CNTNAP5: variants seen among roughly 807,000 people sequenced by gnomAD.
CNTNAP5 encodes the protein contactin associated protein family member 5, also known as contactin-associated protein-like 5.
In CNTNAP5, 72 loss-of-function variants were observed where a neutral mutation model predicts 150.2. The ratio of observed to expected loss-of-function variants is 0.48; its 90% confidence interval spans 0.40 to 0.58. The LOEUF (loss-of-function observed/expected upper bound fraction) is 0.58, where lower values mean the gene tolerates loss of function less well. CNTNAP5 is among the 20% of genes least tolerant of loss of function. CNTNAP5 has a pLI of 0.00. For synonymous variants in CNTNAP5, 672 were observed against 619.8 expected, an observed-to-expected ratio of 1.08 and a Z score of -1.25; for missense variants, 1,636 against 1,626.2, an observed-to-expected ratio of 1.01 and a Z score of -0.10.
chr2:124,258,161 G>A (rs1190463692), intron 3 of CNTNAP5, among the ~76,000 whole-genome samples: 2 of 152,282 alleles, frequency 1.3e-5, no homozygotes, highest in Middle Eastern at 3.4e-3. Flanking sequence ...GGTGGCTACA[G>A]TTCTGGGGTA....
intron 17 of CNTNAP5, among the ~76,000 whole-genome samples, chr2:124,782,496 G>A (rs1053132953): frequency 1.9e-4 from 29 of 152,200 alleles, no homozygotes; most frequent in Admixed American, 5.9e-4. Flanking sequence ...GTATAGGGGA[G>A]GCTTCAGACC....
intron 4 of CNTNAP5, among the ~76,000 whole-genome samples, chr2:124,432,078 G>A (rs1266393135): frequency 6.6e-6 from 1 of 152,196 alleles, no homozygotes; most frequent in South Asian, 2.1e-4. Flanking sequence ...TGGACAGGAT[G>A]TATATAATTT....
At chr2:124,330,020 G>A (rs761505300) in intron 3 of CNTNAP5, among the ~76,000 whole-genome samples, 2 of 152,064 alleles carry the variant, frequency 1.3e-5, no homozygotes, top group East Asian at 1.9e-4. Flanking sequence ...CTGTGAACTC[G>A]CCCCAAAATT....
At chr2:124,164,187 G>A (rs888477470) in intron 1 of CNTNAP5, among the ~76,000 whole-genome samples, 1 of 152,152 alleles carries the variant, frequency 6.6e-6, no homozygotes, top group African/African-American at 2.4e-5. Flanking sequence ...TCTAAGCAAC[G>A]CTGCCATGAA....
At chr2:124,471,840 A>T (rs1459576927) in intron 6 of CNTNAP5, among the ~76,000 whole-genome samples, 2 of 151,924 alleles carry the variant, frequency 1.3e-5, no homozygotes, top group Non-Finnish European at 2.9e-5. Context: ...TTTTGTCTTT[A>T]GTTCTGTTTA....
chr2:124,602,137 G>A (rs1197377995), intron 11 of CNTNAP5, among the ~76,000 whole-genome samples: 1 of 152,010 alleles, frequency 6.6e-6, no homozygotes, highest in Admixed American at 6.6e-5. Flanking sequence ...GACGTCAGGA[G>A]TTCGAGACCA....
intron 6 of CNTNAP5, among the ~76,000 whole-genome samples, chr2:124,455,633 T>C (rs1479258706): frequency 2.0e-5 from 3 of 152,100 alleles, no homozygotes; most frequent in Non-Finnish European, 4.4e-5. Context: ...TACATACCAA[T>C]ATCCCTGATG....
intron 1 of CNTNAP5, among the ~76,000 whole-genome samples, chr2:124,087,076 C>T (rs925344308): frequency 2.6e-5 from 4 of 151,716 alleles, no homozygotes; most frequent in South Asian, 4.1e-4. Context: ...AATACAGAAA[C>T]CTTACTTCTT....
At chr2:124,258,611 TG>T (rs1431141871) in intron 3 of CNTNAP5, among the ~76,000 whole-genome samples, 1 of 152,102 alleles carries the variant, frequency 6.6e-6, no homozygotes, top group Admixed American at 6.6e-5. Flanking sequence ...ATGTACGCTA[TG>T]GTAAGGGAAT....
intron 1 of CNTNAP5, among the ~76,000 whole-genome samples, chr2:124,129,313 A>C (rs1683790800): frequency 6.6e-6 from 1 of 152,148 alleles, no homozygotes; most frequent in African/African-American, 2.4e-5. Flanking sequence ...AAGTTCTTTT[A>C]AAGACAGTTC....
chr2:124,860,460 C>T lies in CNTNAP5; in HGVS notation c.3218-4846C>T, dbSNP rs1460299291. 7.9e-3 allele frequency among the ~76,000 whole-genome samples: 229 copies of T among 29,070 alleles called. 4 individuals are homozygous for T. Among genetic ancestry groups the T allele is most frequent in the South Asian group, 0.012 (7 of 590 alleles). The allele number at this position is 29,070 out of a possible 152,430, so 19.1% of individuals were successfully genotyped here. On this transcript the variant is annotated intron_variant, in intron 19 of 23. Coordinates refer to ENST00000682447, the MANE Select transcript of CNTNAP5 (RefSeq NM_001367498.1). ...CCTTCCTTCCTTCCTTCTTTCCTTC[C>T]TTCCTTCCTTCCTTCCTTCCTTCCT... is the stretch of plus-strand genomic sequence containing the variant.
intron 1 of CNTNAP5, among the ~76,000 whole-genome samples, chr2:124,117,900 A>C (rs1683465859): frequency 6.6e-6 from 1 of 152,176 alleles, no homozygotes; most frequent in African/African-American, 2.4e-5. Flanking sequence ...CCTGGGTAAC[A>C]TGGCAAAATC....
chr2:124,753,673 A>T (rs1469128768), intron 14 of CNTNAP5, among the ~76,000 whole-genome samples: 5 of 152,164 alleles, frequency 3.3e-5, no homozygotes, highest in Non-Finnish European at 5.9e-5. Context: ...CTTGAACAGT[A>T]GTTCATTGGT....
chr2:124,618,494 C>T (rs747565196), intron 12 of CNTNAP5, among the ~76,000 whole-genome samples: 1 of 152,116 alleles, frequency 6.6e-6, no homozygotes, highest in Non-Finnish European at 1.5e-5. Flanking sequence ...AGAAGCTGTG[C>T]CTCTGGAGAT....
At chr2:124,411,396 G>C (rs554587183) in intron 3 of CNTNAP5, among the ~76,000 whole-genome samples, 30 of 152,090 alleles carry the variant, frequency 2.0e-4, no homozygotes, top group African/African-American at 7.2e-4. Flanking sequence ...GCATCATTCT[G>C]ATACCAAAGC....
intron 1 of CNTNAP5, among the ~76,000 whole-genome samples, chr2:124,085,275 G>C (rs1682658164): frequency 6.6e-6 from 1 of 152,030 alleles, no homozygotes; most frequent in African/African-American, 2.4e-5. Context: ...TTCATGTTTG[G>C]TTGTGATATT....
chr2:124,629,886 T>C (rs1206069672), intron 12 of CNTNAP5, among the ~76,000 whole-genome samples: 2 of 123,238 alleles, frequency 1.6e-5, no homozygotes, highest in African/African-American at 2.9e-5. Context: ...GATACCACCA[T>C]TGGCCCCACA....
chr2:124,739,483 G>T (rs895256058), intron 13 of CNTNAP5, among the ~76,000 whole-genome samples: 1 of 152,110 alleles, frequency 6.6e-6, no homozygotes, highest in Non-Finnish European at 1.5e-5. Context: ...TGTGTGTTTT[G>T]TTCATATAGT....
intron 13 of CNTNAP5, among the ~76,000 whole-genome samples, chr2:124,670,757 G>T (rs532809968): frequency 2.0e-5 from 3 of 152,158 alleles, no homozygotes; most frequent in East Asian, 3.9e-4. Flanking sequence ...TGCCTTGCTC[G>T]TTCACCTCTT....
Sources: gnomAD v4.1 joint callset for allele counts (sites outside exome capture counted in the v4.1 genomes callset) on GRCh38, gnomAD v4.1.1 for gene constraint, MANE v1.5 for transcripts, NCBI Gene and HGNC (gene_info 2026-07-23, HGNC 2026-07-21) for gene names.